Variants in NTM observed in about 807,000 individuals in gnomAD.
The protein encoded by NTM is IgLON family member 2.
Under a neutral mutation model 42.1 loss-of-function variants are expected in NTM, and 13 were observed. That is an observed-to-expected ratio of 0.31 (90% CI 0.20 to 0.49). The LOEUF (loss-of-function observed/expected upper bound fraction) is 0.49. Among genes scored for constraint, NTM ranks in the 20% least tolerant of loss-of-function variants. NTM has a pLI of 0.99. For missense variants in NTM, 373 were observed against 452.8 expected (o/e 0.82, Z 1.60); for synonymous variants, 187 against 179.2 (o/e 1.04, Z -0.35).
chr11:131,968,933 A>G lies in NTM; in HGVS notation c.167+57285A>G, dbSNP rs543289757. ...GTGGTGTTTAAGAACTCCCTTATGG[A>G]TTATTTGTCAGTAGGCAAGGGGATG... On this transcript the variant is annotated intron_variant, in intron 2 of 8. Coordinates refer to ENST00000683400, the MANE Select transcript of NTM (RefSeq NM_001352005.2). Among the ~76,000 whole-genome samples the G allele has an allele frequency of 1.2e-4, 18 of 152,280 alleles. No homozygotes were observed. In the South Asian group the frequency reaches 3.1e-3, roughly 26 times the overall value.
At chr11:132,130,771 G>A (rs979593570) in intron 2 of NTM, among the ~76,000 whole-genome samples, 2 of 152,150 alleles carry the variant, frequency 1.3e-5, no homozygotes, top group African/African-American at 4.8e-5. Flanking sequence ...GACCTAAGCC[G>A]CCAGCAGGCT....
chr11:131,986,328 C>T (rs934759395), intron 2 of NTM, among the ~76,000 whole-genome samples: 1 of 152,188 alleles, frequency 6.6e-6, no homozygotes, highest in Non-Finnish European at 1.5e-5. Context: ...TCTTTAAACA[C>T]ATCTGCCTTT....
intron 1 of NTM, among the ~76,000 whole-genome samples, chr11:131,373,771 C>A (rs974488520): frequency 1.3e-5 from 2 of 152,222 alleles, no homozygotes; most frequent in African/African-American, 4.8e-5. Context: ...TTAACACCTT[C>A]AGATTTGCTT....
chr11:132,316,962 G>C (rs774079082), intron 7 of NTM, among the ~76,000 whole-genome samples: 1 of 152,214 alleles, frequency 6.6e-6, no homozygotes, highest in Non-Finnish European at 1.5e-5. Flanking sequence ...CAAACTTCTT[G>C]ATGAAGTTAG....
intron 1 of NTM, among the ~76,000 whole-genome samples, chr11:131,866,330 C>T (rs1314588822): frequency 2.0e-5 from 3 of 152,260 alleles, no homozygotes; most frequent in Non-Finnish European, 2.9e-5. Context: ...GTGGGGCTGT[C>T]CCCCTCAATG....
chr11:132,098,480 G>C (rs2136511475), intron 2 of NTM, among the ~76,000 whole-genome samples: 1 of 152,298 alleles, frequency 6.6e-6, no homozygotes, highest in Non-Finnish European at 1.5e-5. Context: ...ATGCTTCATG[G>C]GTGGCAGCTG....
intron 2 of NTM, among the ~76,000 whole-genome samples, chr11:132,101,716 T>C (rs1432380729): frequency 2.6e-5 from 4 of 152,192 alleles, no homozygotes; most frequent in African/African-American, 9.7e-5. Context: ...TGTCTATCAC[T>C]AGGCGTATAC....
At chr11:131,452,198 T>C (rs1338859766) in intron 1 of NTM, among the ~76,000 whole-genome samples, 2 of 152,154 alleles carry the variant, frequency 1.3e-5, no homozygotes, top group Non-Finnish European at 2.9e-5. Flanking sequence ...GGCTGAGAAA[T>C]GGAAAGGCAT....
chr11:132,039,955 C>T (rs1350793876), intron 2 of NTM, among the ~76,000 whole-genome samples: 2 of 152,046 alleles, frequency 1.3e-5, no homozygotes, highest in Middle Eastern at 3.4e-3. Context: ...GACAGAGTCT[C>T]GCTCTGTCAC....
At chr11:131,729,417 A>G (rs2079359627) in intron 1 of NTM, among the ~76,000 whole-genome samples, 1 of 152,192 alleles carries the variant, frequency 6.6e-6, no homozygotes, top group Admixed American at 6.5e-5. Context: ...CACAGTATAT[A>G]AGTTTGTTTG....
At chr11:131,597,564 A>G (rs931827835) in intron 1 of NTM, among the ~76,000 whole-genome samples, 1 of 151,962 alleles carries the variant, frequency 6.6e-6, no homozygotes, top group Non-Finnish European at 1.5e-5. Flanking sequence ...TCCTGTTCCT[A>G]TTTCTGCTGC....
intron 1 of NTM, among the ~76,000 whole-genome samples, chr11:131,503,390 G>A (rs192678396): frequency 1.3e-5 from 2 of 152,256 alleles, no homozygotes; most frequent in African/African-American, 4.8e-5. Context: ...TTCTGGCTCT[G>A]CAGTAATGTA....
At chr11:131,545,897 G>T (rs318984) in intron 1 of NTM, among the ~76,000 whole-genome samples, 55,557 of 151,878 alleles carry the variant, frequency 0.37, 11,447 homozygotes, top group East Asian at 0.58. Context: ...ATCTAACCTG[G>T]CTGGGAGGGT....
At chr11:132,308,993 G>A (rs1381611776) in intron 5 of NTM, among the ~76,000 whole-genome samples, 2 of 152,104 alleles carry the variant, frequency 1.3e-5, no homozygotes, top group African/African-American at 2.4e-5. Flanking sequence ...AAGCAAAGAG[G>A]GAAACATCAC....
intron 1 of NTM, among the ~76,000 whole-genome samples, chr11:131,496,509 G>T (rs556448544): frequency 3.6e-4 from 55 of 152,336 alleles, no homozygotes; most frequent in African/African-American, 1.3e-3. Flanking sequence ...GCAGCCAAAT[G>T]TAAAGGCCAC....
At chr11:132,264,621 A>C (rs2093066687) in intron 4 of NTM, among the ~76,000 whole-genome samples, 2 of 152,204 alleles carry the variant, frequency 1.3e-5, no homozygotes, top group Non-Finnish European at 2.9e-5. Flanking sequence ...AAACCATCTT[A>C]AATCTCTTAA....
Position 131,991,976 on chromosome 11 carries a change from A to G in NTM, c.167+80328A>G, listed in dbSNP as rs73031534. Reference sequence around the variant, plus strand: ...TTAATCTGCATCATTCTGGATGTATATATGGAAACCTACTCAATCTAACTT... The same window carrying G: ...TTAATCTGCATCATTCTGGATGTATGTATGGAAACCTACTCAATCTAACTT... On this transcript the variant is annotated intron_variant, in intron 2 of 8. Coordinates refer to ENST00000683400, the MANE Select transcript of NTM (RefSeq NM_001352005.2). 3.4e-3 allele frequency among the ~76,000 whole-genome samples: 514 copies of G among 152,314 alleles called. 2 individuals carry two copies. The highest frequency in any genetic ancestry group is 5.6e-3 in the Non-Finnish European group (378 of 68,032).
intron 3 of NTM, among the ~76,000 whole-genome samples, chr11:132,205,474 T>C (rs528267236): frequency 5.1e-4 from 78 of 152,328 alleles, no homozygotes; most frequent in Non-Finnish European, 6.3e-4. Context: ...CACATTTGAA[T>C]TAAAATTCAA....
chr11:132,227,096 A>G (rs1246332551), intron 4 of NTM, among the ~76,000 whole-genome samples: 2 of 152,218 alleles, frequency 1.3e-5, no homozygotes, highest in African/African-American at 4.8e-5. Context: ...TCCCACATGC[A>G]GCGTGAAGGC....
Sources: gnomAD v4.1 joint callset for allele counts (sites outside exome capture counted in the v4.1 genomes callset) on GRCh38, gnomAD v4.1.1 for gene constraint, MANE v1.5 for transcripts, NCBI Gene and HGNC (gene_info 2026-07-23, HGNC 2026-07-21) for gene names.